The following SORCS1 variants were observed in gnomAD, a reference collection of about 807,000 sequenced individuals.
SORCS1 encodes sortilin related VPS10 domain containing receptor 1, also known as VPS10 domain-containing receptor SorCS1.
SORCS1 carries 60 observed loss-of-function variants against 146.1 expected under a neutral mutation model. The ratio of observed to expected loss-of-function variants is 0.41; its 90% CI spans 0.33 to 0.51. The LOEUF is 0.51. Among genes scored for constraint, SORCS1 ranks in the 20% least tolerant of loss-of-function variants. SORCS1 has a pLI of 0.21. For synonymous variants in SORCS1, 637 were observed against 584.0 expected, an observed-to-expected ratio of 1.09 and a Z score of -1.31; for missense variants, 1,352 against 1,487.6, an observed-to-expected ratio of 0.91 and a Z score of 1.50.
At chr10:107,158,001 C>A (rs1472215641) in intron 1 of SORCS1, among the ~76,000 whole-genome samples, 1 of 152,282 alleles carries the variant, frequency 6.6e-6, no homozygotes, top group Non-Finnish European at 1.5e-5. Context: ...ATTTTACATA[C>A]ATTTAGTGGC....
chr10:106,983,239 AATATAC>A (rs1291425207), intron 1 of SORCS1, among the ~76,000 whole-genome samples: 1,930 of 147,230 alleles, frequency 0.013, 36 homozygotes, highest in African/African-American at 0.045. Flanking sequence ...TCTATATATA[AATATAC>A]ATATACATAT....
chr10:106,826,288 G>A (rs1011233453), intron 3 of SORCS1, among the ~76,000 whole-genome samples: 61 of 152,240 alleles, frequency 4.0e-4, no homozygotes, highest in Admixed American at 2.0e-3. Flanking sequence ...AGCGTGAAAA[G>A]CAGAGAGAAG....
intron 2 of SORCS1, among the ~76,000 whole-genome samples, chr10:106,919,383 T>C (rs1180402574): frequency 6.6e-6 from 1 of 152,178 alleles, no homozygotes; most frequent in East Asian, 1.9e-4. Context: ...ATTTCCCATT[T>C]TCTGTCCTGT....
chr10:106,785,350 C>A (rs1794189466), intron 3 of SORCS1, among the ~76,000 whole-genome samples: 1 of 152,202 alleles, frequency 6.6e-6, no homozygotes, highest in Non-Finnish European at 1.5e-5. Flanking sequence ...CCCTAAATTG[C>A]CTACATCCCT....
At chr10:107,111,591 G>C (rs967518225) in intron 1 of SORCS1, among the ~76,000 whole-genome samples, 7 of 152,124 alleles carry the variant, frequency 4.6e-5, no homozygotes, top group African/African-American at 1.7e-4. Flanking sequence ...AAAATCAATT[G>C]TACAAATATA....
At chr10:106,602,997 A>C (rs1440259620) in intron 23 of SORCS1, among the ~76,000 whole-genome samples, 2 of 152,186 alleles carry the variant, frequency 1.3e-5, no homozygotes, top group Non-Finnish European at 2.9e-5. Flanking sequence ...CAGCCAAGGA[A>C]GAAATATATA....
intron 3 of SORCS1, among the ~76,000 whole-genome samples, chr10:106,792,955 A>T (rs1345548892): frequency 6.6e-6 from 1 of 152,232 alleles, no homozygotes; most frequent in Non-Finnish European, 1.5e-5. Flanking sequence ...GGATGAGCAG[A>T]TGTTCATCAT....
At chr10:106,956,007 G>A (rs1954920185) in intron 2 of SORCS1, among the ~76,000 whole-genome samples, 1 of 152,046 alleles carries the variant, frequency 6.6e-6, no homozygotes, top group Non-Finnish European at 1.5e-5. Context: ...GCGCATGCCT[G>A]TAATCCCAGC....
At chr10:106,747,772 A>G (rs902928809) in intron 5 of SORCS1, among the ~76,000 whole-genome samples, 1 of 152,224 alleles carries the variant, frequency 6.6e-6, no homozygotes, top group Non-Finnish European at 1.5e-5. Flanking sequence ...AATCTATTAT[A>G]TATTTTCCAA....
At chr10:106,924,248 C>A (rs1952868953) in intron 2 of SORCS1, among the ~76,000 whole-genome samples, 1 of 117,072 alleles carries the variant, frequency 8.5e-6, no homozygotes, top group African/African-American at 2.8e-5. Context: ...GAGCAAAACT[C>A]CATCTCAAAA....
At chr10:107,088,170 G>A (rs986999953) in intron 1 of SORCS1, among the ~76,000 whole-genome samples, 17 of 146,848 alleles carry the variant, frequency 1.2e-4, no homozygotes, top group African/African-American at 4.2e-4. Flanking sequence ...TTACAGGGGT[G>A]AGCCACCGTG....
At chr10:106,715,970 C>A (rs893010513) in intron 6 of SORCS1, among the ~76,000 whole-genome samples, 4 of 152,088 alleles carry the variant, frequency 2.6e-5, no homozygotes, top group African/African-American at 9.7e-5. Context: ...TCAGGCTGGT[C>A]TCGAACTCCT....
At chr10:106,934,417 C>T (rs192176226) in intron 2 of SORCS1, among the ~76,000 whole-genome samples, 40 of 151,992 alleles carry the variant, frequency 2.6e-4, no homozygotes, top group African/African-American at 9.4e-4. Context: ...CCACCACACC[C>T]GGCTAATTTT....
At chr10:107,016,880 A>T (rs892056665) in intron 1 of SORCS1, among the ~76,000 whole-genome samples, 2 of 152,232 alleles carry the variant, frequency 1.3e-5, no homozygotes, top group African/African-American at 2.4e-5. Context: ...AATTCACAGG[A>T]GAGCTAAACA....
At chr10:107,099,019 C>T (rs1447096763) in intron 1 of SORCS1, among the ~76,000 whole-genome samples, 2 of 152,296 alleles carry the variant, frequency 1.3e-5, no homozygotes, top group African/African-American at 4.8e-5. Context: ...AGCTTCTGCA[C>T]TATTATGGTG....
At chr10:106,655,703 T>G (rs886723687) in intron 17 of SORCS1, among the ~76,000 whole-genome samples, 1 of 152,142 alleles carries the variant, frequency 6.6e-6, no homozygotes, top group Admixed American at 6.5e-5. Flanking sequence ...TGAAACCATT[T>G]TATTTCCTGT....
chr10:106,952,341 C>T (rs1954724637), intron 2 of SORCS1, among the ~76,000 whole-genome samples: 1 of 151,944 alleles, frequency 6.6e-6, no homozygotes, highest in African/African-American at 2.4e-5. Context: ...TTGTGCTAGG[C>T]CACCTAGTTT....
rs567704427 is a variant in SORCS1, at chr10:107,043,967, C to T, written c.559-87387G>A. ...GTAGGACTTCCACAGCTTGTCCATA[C>T]TGATATTCTCCTGGCGGGATGTGAC... is the stretch of plus-strand genomic sequence containing the variant. On this transcript the variant is annotated intron_variant, in intron 1 of 25. Coordinates refer to ENST00000263054, the MANE Select transcript of SORCS1 (RefSeq NM_052918.5). Among the ~76,000 whole-genome samples, 8 of 152,300 alleles carry T rather than the reference C, an allele frequency of 5.3e-5. No homozygotes were observed. The East Asian group carries it at 1.5e-3, about 29-fold the overall frequency.
At chr10:106,697,271 T>C (rs1162075900) in intron 9 of SORCS1, among the ~76,000 whole-genome samples, 1 of 152,076 alleles carries the variant, frequency 6.6e-6, no homozygotes, top group Non-Finnish European at 1.5e-5. Flanking sequence ...GAGATCAGCC[T>C]GGCCAATATG....
Sources: allele counts gnomAD v4.1 joint callset (sites outside exome capture counted in the v4.1 genomes callset), GRCh38; gene constraint gnomAD v4.1.1; transcripts MANE v1.5; gene names NCBI Gene and HGNC (gene_info 2026-07-23, HGNC 2026-07-21).